VAV3: variants seen among roughly 807,000 people sequenced by gnomAD.
The protein encoded by VAV3 is guanine nucleotide exchange factor VAV3.
Under a neutral mutation model 131.2 loss-of-function variants are expected in VAV3, and 94 were observed. The observed-to-expected ratio is 0.72, with a 90% CI of 0.61 to 0.85. VAV3 has a LOEUF of 0.85. VAV3 is among the 40% of genes least tolerant of loss of function. The pLI is 0.00. For synonymous variants in VAV3, 349 were observed against 342.0 expected, an observed-to-expected ratio of 1.02 and a Z score of -0.22; for missense variants, 939 against 1,002.7, an observed-to-expected ratio of 0.94 and a Z score of 0.86.
At chr1:107,836,944 G>A (rs541025073) in intron 2 of VAV3, among the ~76,000 whole-genome samples, 1 of 151,784 alleles carries the variant, frequency 6.6e-6, no homozygotes, top group Admixed American at 6.6e-5. Flanking sequence ...AAAAAAACAG[G>A]TGGATTCACA....
At chr1:107,885,217 A>C (rs754225839) in intron 1 of VAV3, among the ~76,000 whole-genome samples, 21 of 151,444 alleles carry the variant, frequency 1.4e-4, no homozygotes, top group Non-Finnish European at 1.8e-4. Context: ...TACAACATTC[A>C]AAATGAGGGA....
rs113672629 is a variant in VAV3, at chr1:107,875,034, A to G, written c.205-17T>C. ...ACAGAGAAACTGAGGAATGGAAAAG[A>G]GCTGTTAGCATAAAGTTAATTATTC... On this transcript the variant is annotated splice_polypyrimidine_tract_variant and intron_variant, in intron 1 of 26. Transcript: ENST00000370056. The G allele has an allele frequency of 6.3e-7, 1 of 1,597,168 alleles. No individual in the cohort carries two copies. Among genetic ancestry groups the G allele is most frequent in the Non-Finnish European group, 8.6e-7 (1 of 1,164,926 alleles).
intron 1 of VAV3, among the ~76,000 whole-genome samples, chr1:107,943,994 C>G (rs1277168284): frequency 1.3e-5 from 2 of 152,248 alleles, no homozygotes; most frequent in Non-Finnish European, 2.9e-5. Flanking sequence ...AAGGCCTAAA[C>G]ACCCATCACA....
At chr1:107,712,046 A>G (rs1279645712) in intron 15 of VAV3, among the ~76,000 whole-genome samples, 1 of 152,214 alleles carries the variant, frequency 6.6e-6, no homozygotes, top group African/African-American at 2.4e-5. Context: ...GGAATATTTT[A>G]TTATAAATAC....
At chr1:107,657,700 A>G (rs753235481) in intron 19 of VAV3, among the ~76,000 whole-genome samples, 10 of 152,194 alleles carry the variant, frequency 6.6e-5, no homozygotes, top group Non-Finnish European at 1.5e-4. Context: ...TTCCATGCAA[A>G]GATTGTAGCA....
chr1:107,903,834 C>T (rs1236242613), intron 1 of VAV3, among the ~76,000 whole-genome samples: 1 of 152,118 alleles, frequency 6.6e-6, no homozygotes, highest in Non-Finnish European at 1.5e-5. Context: ...TCTGCCTCAC[C>T]TCCCACACTT....
In VAV3 at chr1:107,642,814, T is replaced by G. The variant is rs1216635433; in HGVS notation, c.1778-59A>C. ...AAAACAATGATGCATGAAGTCTACA[T>G]GAACTTTACAAAAAATGTCATTATT... On this transcript the variant is annotated intron_variant, in intron 19 of 26. Transcript: ENST00000370056. 3.1e-6 allele frequency: 5 copies of G among 1,597,260 alleles called. No homozygotes were observed. In the African/African-American group the frequency reaches 4.1e-5, roughly 13 times the overall value.
chr1:107,767,126 C>T lies in VAV3; in HGVS notation c.718-576G>A, dbSNP rs144234989. Among the ~76,000 whole-genome samples, 52 of 152,180 alleles carry T rather than the reference C, an allele frequency of 3.4e-4. No homozygotes were observed. In the East Asian group the frequency reaches 0.01, roughly 29 times the overall value. On this transcript the variant is annotated intron_variant, in intron 7 of 26. Coordinates refer to ENST00000370056, the MANE Select transcript of VAV3 (RefSeq NM_006113.5). ...TTGGTCAATTAGTGGTGTCCTGGTG[C>T]TAAGCTAACAATAATCAGACTAAAT...
chr1:107,933,428 C>T (rs1673554094), intron 1 of VAV3, among the ~76,000 whole-genome samples: 1 of 151,920 alleles, frequency 6.6e-6, no homozygotes, highest in Non-Finnish European at 1.5e-5. Context: ...TCCTCAGAGT[C>T]CATCTACATT....
chr1:107,581,667 A>G (rs865873774), intron 25 of VAV3, among the ~76,000 whole-genome samples: 82 of 152,306 alleles, frequency 5.4e-4, no homozygotes, highest in African/African-American at 1.9e-3. Flanking sequence ...AAAAGAACAC[A>G]GTGTTTATGG....
Position 107,776,376 on chromosome 1 carries a change from TGGCAAATG to T in VAV3, c.446+847_446+854del, listed in dbSNP as rs1665357983. Among the ~76,000 whole-genome samples the T allele has an allele frequency of 2.6e-5, 4 of 152,258 alleles. No individual in the cohort carries two copies. The South Asian group carries it at 8.3e-4, about 32-fold the overall frequency. Reference sequence around the variant, plus strand: ...AGCAAACCAAGACTGTCTCAGGCATTGGCAAATGCTGTAAAAACACAGCAATGTAAGGG... The same window carrying T: ...AGCAAACCAAGACTGTCTCAGGCATTCTGTAAAAACACAGCAATGTAAGGG... On this transcript the variant is annotated intron_variant, in intron 4 of 26. Transcript: ENST00000370056.
chr1:107,620,208 G>A (rs1451190193), intron 20 of VAV3, among the ~76,000 whole-genome samples: 1 of 152,094 alleles, frequency 6.6e-6, no homozygotes, highest in Non-Finnish European at 1.5e-5. Context: ...TTTCTAAGGG[G>A]AGATATAACT....
At chr1:107,830,050 C>T (rs1668180679) in intron 2 of VAV3, among the ~76,000 whole-genome samples, 2 of 152,030 alleles carry the variant, frequency 1.3e-5, no homozygotes, top group South Asian at 4.2e-4. Flanking sequence ...ATTTAGATTC[C>T]CCTTTGAAGA....
intron 25 of VAV3, among the ~76,000 whole-genome samples, chr1:107,586,284 G>A (rs1020407588): frequency 7.2e-5 from 11 of 152,054 alleles, no homozygotes; most frequent in African/African-American, 2.2e-4. Flanking sequence ...ATTCACTGCT[G>A]TATTTTAACA....
At chr1:107,668,669 C>T (rs1293488566) in intron 19 of VAV3, 2 of 985,278 alleles carry the variant, frequency 2.0e-6, no homozygotes, top group Non-Finnish European at 2.4e-6. Flanking sequence ...AAAGAAACTA[C>T]AGGCGTGGTC....
At chr1:107,612,919 A>T (rs1291721917) in intron 21 of VAV3, among the ~76,000 whole-genome samples, 1 of 152,102 alleles carries the variant, frequency 6.6e-6, no homozygotes, top group Non-Finnish European at 1.5e-5. Context: ...CCTGCCTTTG[A>T]GCTAGCCATA....
chr1:107,748,020 T>C (rs1342126817), intron 15 of VAV3, among the ~76,000 whole-genome samples: 1 of 152,162 alleles, frequency 6.6e-6, no homozygotes, highest in African/African-American at 2.4e-5. Flanking sequence ...TATAGAATCC[T>C]GTCTCTTAAA....
At chr1:107,706,152 C>T (rs922799314) in intron 15 of VAV3, among the ~76,000 whole-genome samples, 4 of 151,968 alleles carry the variant, frequency 2.6e-5, no homozygotes, top group African/African-American at 4.8e-5. Context: ...TGATATGCTC[C>T]GAGACGTTAC....
At chr1:107,890,723 A>C (rs1671272082) in intron 1 of VAV3, among the ~76,000 whole-genome samples, 1 of 152,210 alleles carries the variant, frequency 6.6e-6, no homozygotes, top group Non-Finnish European at 1.5e-5. Context: ...TAAATGTTTT[A>C]TCCTTCTTTA....
Sources: gnomAD v4.1 joint callset for allele counts (sites outside exome capture counted in the v4.1 genomes callset) on GRCh38, gnomAD v4.1.1 for gene constraint, MANE v1.5 for transcripts, NCBI Gene and HGNC (gene_info 2026-07-23, HGNC 2026-07-21) for gene names.